Variants in MRPL20 observed in about 807,000 individuals in gnomAD.
MRPL20 encodes large ribosomal subunit protein bL20m.
Under a neutral mutation model 20.0 loss-of-function variants are expected in MRPL20, and 21 were observed. The ratio of observed to expected loss-of-function variants is 1.05; its 90% confidence interval spans 0.74 to 1.51. The LOEUF (loss-of-function observed/expected upper bound fraction) is 1.51. MRPL20 is among the 40% of genes most tolerant of loss of function. MRPL20 has a pLI of 0.00. For synonymous variants in MRPL20, 104 were observed against 73.0 expected, an observed-to-expected ratio of 1.43 and a Z score of -2.17; for missense variants, 252 against 185.6, an observed-to-expected ratio of 1.36 and a Z score of -2.08.
In MRPL20 at chr1:1,406,930, C is replaced by T; in HGVS notation, c.177G>A (p.Leu59=). The stretch of plus-strand genomic sequence containing the variant: ...TTACGGTCCTCATGTTCTTTTTCTT[C>T]AGGTATCGGGCTTTGGTGCATTTCA... The part of the protein sequence containing the change: ...AFVKCTKARY[L]KKKNMRTLWI... Residue 59 remains leucine (L), a synonymous_variant, in exon 2 of 4, where the codon CTG becomes CTA. Transcript: ENST00000344843. 3 of 1,613,584 alleles carry T rather than the reference C, an allele frequency of 1.9e-6. No individual in the cohort carries two copies. The highest frequency in any genetic ancestry group is 2.5e-6 in the Non-Finnish European group (3 of 1,179,586).
rs1194303507 is a variant in MRPL20 at position 1,402,092 on chromosome 1, C to CT, written c.440dup (p.Tyr148ValfsTer32). Reference sequence around the variant, plus strand: ...AATACAGCAACAGTCCTCAGTGGTACTGCACCACTCTGGAAAAAATGCCTT... The same window carrying CT: ...AATACAGCAACAGTCCTCAGTGGTACTTGCACCACTCTGGAAAAAATGCCTT... On this transcript the variant is annotated frameshift_variant, in exon 4 of 4. Transcript: ENST00000344843. LOFTEE classifies it high-confidence loss of function. 6.2e-7 allele frequency: 1 copy of CT among 1,613,722 alleles called. No individual in the cohort carries two copies. The highest frequency in any genetic ancestry group is 1.1e-5 in the South Asian group (1 of 91,034).
chr1:1,405,501 T>TATTCCTAGGCACA, intron 3 of MRPL20: 1 of 604,784 alleles, frequency 1.7e-6, no homozygotes, highest in Non-Finnish European at 2.9e-6. Flanking sequence ...TTGCTGGCAC[T>TATTCCTAGGCACA]ATTCCTAGGC....
rs1296347394 is a variant in MRPL20, at chr1:1,402,170, A to C, written c.363T>G (p.Ser121Arg). ...KTFKSLAALA[S>R]RRRHEGFAAA... is the part of the protein sequence containing the mutation. ...CAGCAAATCCTTCGTGTCGCCTCCTACTGGCCAAGGCAGCCAAAGATTTGA... is the reference window on the plus strand; with the variant it reads ...CAGCAAATCCTTCGTGTCGCCTCCTCCTGGCCAAGGCAGCCAAAGATTTGA... Residue 121 changes from serine to arginine, a missense_variant, in exon 4 of 4, where the codon AGT becomes AGG. Ser to Arg is a moderately radical substitution (Grantham distance 110). Transcript: ENST00000344843. 6.2e-6 allele frequency: 10 copies of C among 1,613,948 alleles called. No homozygotes were observed. The East Asian group carries it at 2.2e-4, about 36-fold the overall frequency.
chr1:1,407,234 C>G lies in MRPL20; in HGVS notation c.-17G>C. On this transcript the variant is annotated 5_prime_UTR_variant, in exon 1 of 4. Coordinates refer to ENST00000344843, the MANE Select transcript of MRPL20 (RefSeq NM_017971.4). ...GAAGACCATGGCGCCTGCAGGCCGG[C>G]GTCCCGAACACTCAACAACGCACGC... 1.3e-6 allele frequency: 2 copies of G among 1,579,052 alleles called. No homozygotes were observed. The highest frequency in any genetic ancestry group is 1.7e-6 in the Non-Finnish European group (2 of 1,162,366).
At chr1:1,406,011 T>C (rs1645380654) in intron 2 of MRPL20, 125 bp from the exon 3 acceptor site, 1 of 1,365,934 alleles carries the variant, frequency 7.3e-7, no homozygotes, top group Non-Finnish European at 9.9e-7. Context: ...GCTATGATGG[T>C]GCCATCACTC....
At chr1:1,406,782 T>G in intron 2 of MRPL20, 127 bp downstream of exon 2, 2 of 798,660 alleles carry the variant, frequency 2.5e-6, no homozygotes, top group Non-Finnish European at 2.1e-6. Context: ...TTTGTCGGAG[T>G]TTCGAAGCAA....
chr1:1,406,064 G>C (rs1285876505), intron 2 of MRPL20, 178 bp from the exon 3 acceptor site: 1 of 920,234 alleles, frequency 1.1e-6, no homozygotes, highest in Non-Finnish European at 1.6e-6. Flanking sequence ...ATTAAAAACA[G>C]CAAAAACCCA....
At chr1:1,403,053 C>T (rs1174092373) in intron 3 of MRPL20, among the ~76,000 whole-genome samples, 2 of 149,600 alleles carry the variant, frequency 1.3e-5, no homozygotes, top group Non-Finnish European at 2.9e-5. Flanking sequence ...GGTGTGAACC[C>T]GGGAATTGGA....
chr1:1,403,640 C>T (rs1323601123), intron 3 of MRPL20, among the ~76,000 whole-genome samples: 1 of 151,928 alleles, frequency 6.6e-6, no homozygotes, highest in Non-Finnish European at 1.5e-5. Context: ...CCAAAGAGTG[C>T]CTTCTGCAAA....
Position 1,402,118 on chromosome 1 carries a change from C to G in MRPL20, c.415G>C (p.Glu139Gln). The stretch of plus-strand genomic sequence containing the variant: ...TGCACCACTCTGGAAAAAATGCCTT[C>G]AGGTTCCTTCCCATCCCCCAAGGCA... ...AAALGDGKEP[E>Q]GIFSRVVQYH The change falls in exon 4 of 4, where the codon GAA becomes CAA. Residue 139 changes from glutamate (E) to glutamine (Q), a missense_variant. Transcript: ENST00000344843. 6.2e-7 allele frequency: 1 copy of G among 1,614,156 alleles called. No homozygotes were observed. The highest frequency in any genetic ancestry group is 8.5e-7 in the Non-Finnish European group (1 of 1,180,014).
intron 3 of MRPL20, chr1:1,402,722 C>A: frequency 1.3e-6 from 1 of 764,546 alleles, no homozygotes; most frequent in Non-Finnish European, 1.6e-6. Context: ...CGGTGTCTCG[C>A]CTGTAATCCC....
At chr1:1,403,443 C>T (rs1311739490) in intron 3 of MRPL20, among the ~76,000 whole-genome samples, 2 of 151,926 alleles carry the variant, frequency 1.3e-5, no homozygotes, top group Non-Finnish European at 2.9e-5. Flanking sequence ...GGTGTTTCAC[C>T]ATGTTAGCCA....
intron 3 of MRPL20, among the ~76,000 whole-genome samples, chr1:1,404,356 A>T (rs998687969): frequency 1.3e-5 from 2 of 151,036 alleles, no homozygotes; most frequent in South Asian, 4.2e-4. Flanking sequence ...GGGTTTCACC[A>T]TGTTAGCCAG....
intron 3 of MRPL20, among the ~76,000 whole-genome samples, chr1:1,404,313 C>T (rs530354738): frequency 6.6e-5 from 10 of 152,118 alleles, no homozygotes; most frequent in Admixed American, 5.9e-4. Context: ...GCCACCACGC[C>T]TGGCTAATTT....
intron 2 of MRPL20, chr1:1,406,341 C>G (rs1645383759): frequency 5.6e-6 from 1 of 177,178 alleles, no homozygotes; most frequent in Non-Finnish European, 1.2e-5. Flanking sequence ...CAGCGCGAGA[C>G]TCCGTCTCGG....
intron 3 of MRPL20, among the ~76,000 whole-genome samples, chr1:1,404,625 T>G (rs1383476323): frequency 6.8e-6 from 1 of 147,528 alleles, no homozygotes; most frequent in Non-Finnish European, 1.5e-5. Flanking sequence ...CTCAGCCTCC[T>G]GAGTAGCTGG....
At chr1:1,405,379 T>C (rs1375096735) in intron 3 of MRPL20, 2 of 516,692 alleles carry the variant, frequency 3.9e-6, no homozygotes, top group Non-Finnish European at 6.9e-6. Flanking sequence ...GGGCTCAAAG[T>C]GATCCCCCTG....
intron 3 of MRPL20, among the ~76,000 whole-genome samples, chr1:1,403,650 A>G (rs1000429563): frequency 1.9e-4 from 29 of 151,910 alleles, no homozygotes. Flanking sequence ...CCTTCTGCAA[A>G]ATACCCACCC....
intron 3 of MRPL20, chr1:1,402,483 T>G: frequency 7.7e-7 from 1 of 1,299,980 alleles, no homozygotes; most frequent in African/African-American, 1.5e-5. Flanking sequence ...GCAGGGAGGC[T>G]GGACTCCAGT....
Sources: allele counts gnomAD v4.1 joint callset (sites outside exome capture counted in the v4.1 genomes callset), GRCh38; gene constraint gnomAD v4.1.1; transcripts MANE v1.5; gene names NCBI Gene and HGNC (gene_info 2026-07-23, HGNC 2026-07-21).